The following MAPK10 variants were observed in gnomAD, a reference collection of about 807,000 sequenced individuals.
MAPK10 encodes mitogen-activated protein kinase 10.
MAPK10 carries 25 observed loss-of-function variants against 59.3 expected under a neutral mutation model. The observed-to-expected ratio is 0.42, with a 90% CI of 0.31 to 0.59. The LOEUF (loss-of-function observed/expected upper bound fraction) is 0.59. Among genes scored for constraint, MAPK10 ranks in the 20% least tolerant of loss-of-function variants. MAPK10 has a pLI of 0.15. For missense variants in MAPK10, 351 were observed against 568.9 expected, an observed-to-expected ratio of 0.62 and a Z score of 3.90; for synonymous variants, 190 against 200.5, an observed-to-expected ratio of 0.95 and a Z score of 0.44.
intron 1 of MAPK10, among the ~76,000 whole-genome samples, chr4:86,561,672 T>C (rs1290657560): frequency 6.6e-6 from 1 of 152,254 alleles, no homozygotes; most frequent in Non-Finnish European, 1.5e-5. Context: ...TTGTTAAGAC[T>C]TAATTACTTA....
intron 2 of MAPK10, among the ~76,000 whole-genome samples, chr4:86,198,202 T>C (rs940654238): frequency 6.6e-6 from 1 of 152,128 alleles, no homozygotes; most frequent in Non-Finnish European, 1.5e-5. Flanking sequence ...ATAGAGGTAG[T>C]GTCTCCTTCT....
intron 2 of MAPK10, among the ~76,000 whole-genome samples, chr4:86,310,145 T>C (rs2095641589): frequency 6.6e-6 from 1 of 152,184 alleles, no homozygotes; most frequent in Non-Finnish European, 1.5e-5. Flanking sequence ...TTCCTGCCCT[T>C]GCTTCAGGAT....
At chr4:86,350,999 A>G (rs1731038911) in intron 2 of MAPK10, among the ~76,000 whole-genome samples, 1 of 152,150 alleles carries the variant, frequency 6.6e-6, no homozygotes, top group Non-Finnish European at 1.5e-5. Flanking sequence ...CATCGTATCT[A>G]TTCTTAACCT....
At chr4:86,372,376 G>A (rs546863485) in intron 1 of MAPK10, among the ~76,000 whole-genome samples, 128 of 151,836 alleles carry the variant, frequency 8.4e-4, no homozygotes, top group Non-Finnish European at 1.3e-3. Context: ...AATTAGCTGG[G>A]CGTGGTGGTG....
intron 4 of MAPK10, among the ~76,000 whole-genome samples, chr4:86,158,608 A>C (rs1200548522): frequency 2.0e-5 from 3 of 151,924 alleles, no homozygotes; most frequent in African/African-American, 7.2e-5. Context: ...TATACTAATA[A>C]GTTTATATTA....
At chr4:86,187,807 T>C (rs1006071306) in intron 3 of MAPK10, among the ~76,000 whole-genome samples, 1 of 152,198 alleles carries the variant, frequency 6.6e-6, no homozygotes, top group Non-Finnish European at 1.5e-5. Context: ...CTGCGATACA[T>C]GTGCAGAACA....
chr4:86,098,439 C>A, intron 9 of MAPK10, 85 bp downstream of exon 9: 2 of 1,585,252 alleles, frequency 1.3e-6, no homozygotes, highest in South Asian at 2.3e-5. Flanking sequence ...TTGCTTCTAT[C>A]TTTACTCTCC....
intron 2 of MAPK10, among the ~76,000 whole-genome samples, chr4:86,273,150 T>C (rs1289252592): frequency 6.6e-6 from 1 of 152,006 alleles, no homozygotes. Context: ...TAATATAGGG[T>C]ACATACACAT....
intron 2 of MAPK10, among the ~76,000 whole-genome samples, chr4:86,266,280 C>T (rs2094232098): frequency 6.6e-6 from 1 of 152,070 alleles, no homozygotes; most frequent in Non-Finnish European, 1.5e-5. Flanking sequence ...TTTCTGGAGT[C>T]AAAAGGCCTT....
At chr4:86,221,736 C>T (rs1005780060) in intron 2 of MAPK10, among the ~76,000 whole-genome samples, 18 of 152,140 alleles carry the variant, frequency 1.2e-4, no homozygotes, top group Non-Finnish European at 2.5e-4. Context: ...CTCTTGGGTT[C>T]AAGGGACCCA....
At chr4:86,153,462 A>G (rs1393897154) in intron 4 of MAPK10, among the ~76,000 whole-genome samples, 3 of 152,218 alleles carry the variant, frequency 2.0e-5, no homozygotes, top group African/African-American at 7.2e-5. Context: ...AAAACATTCC[A>G]AAGCCAAAAA....
intron 2 of MAPK10, among the ~76,000 whole-genome samples, chr4:86,236,293 G>C (rs1402956102): frequency 1.3e-5 from 2 of 152,112 alleles, no homozygotes; most frequent in African/African-American, 4.8e-5. Flanking sequence ...AACATATTCA[G>C]AGGTTCCAGG....
At chr4:86,491,172 T>C (rs375652579) in intron 1 of MAPK10, among the ~76,000 whole-genome samples, 1 of 152,156 alleles carries the variant, frequency 6.6e-6, no homozygotes, top group African/African-American at 2.4e-5. Context: ...AGTGCTGTGA[T>C]GGATGAAAGC....
intron 2 of MAPK10, among the ~76,000 whole-genome samples, chr4:86,271,856 T>C (rs1230472318): frequency 1.3e-5 from 2 of 152,052 alleles, no homozygotes; most frequent in Non-Finnish European, 2.9e-5. Context: ...ATGATTCAAC[T>C]ACCTCCCACT....
At chr4:86,413,541 T>G (rs1313317206) in intron 1 of MAPK10, among the ~76,000 whole-genome samples, 1 of 152,220 alleles carries the variant, frequency 6.6e-6, no homozygotes, top group Non-Finnish European at 1.5e-5. Context: ...CAGTAGTCCT[T>G]GCTGAGCTGT....
chr4:86,176,256 T>A (rs2075663018), intron 3 of MAPK10, among the ~76,000 whole-genome samples: 1 of 152,098 alleles, frequency 6.6e-6, no homozygotes, highest in Non-Finnish European at 1.5e-5. Flanking sequence ...TAGAAAAGAA[T>A]GGAATCCAAA....
In MAPK10 at chr4:86,170,322, C is replaced by T. The variant is rs1267286009; in HGVS notation, c.67-10855G>A. 1.7e-4 allele frequency among the ~76,000 whole-genome samples: 26 copies of T among 152,178 alleles called. No individual in the cohort carries two copies. In the East Asian group the frequency reaches 3.1e-3, roughly 18 times the overall value. On this transcript the variant is annotated intron_variant, in intron 3 of 13. Coordinates refer to ENST00000641462, the MANE Select transcript of MAPK10 (RefSeq NM_138982.4). ...TGCTGTATTCAGGAAACCCATCTCACGTGCAGAAACACACATAGGCTCAAA... is the reference window on the plus strand; with the variant it reads ...TGCTGTATTCAGGAAACCCATCTCATGTGCAGAAACACACATAGGCTCAAA...
intron 3 of MAPK10, among the ~76,000 whole-genome samples, chr4:86,174,558 C>G (rs2075232191): frequency 6.6e-6 from 1 of 152,086 alleles, no homozygotes; most frequent in Non-Finnish European, 1.5e-5. Flanking sequence ...ACATATTTAC[C>G]TATGTAACAA....
Position 86,097,774 on chromosome 4 carries a change from T to C in MAPK10, c.802+750A>G, listed in dbSNP as rs187485168. Among the ~76,000 whole-genome samples, 19 of 152,244 alleles carry C rather than the reference T, an allele frequency of 1.2e-4. No homozygotes were observed. In the East Asian group the frequency reaches 3.3e-3, roughly 26 times the overall value. ...TTGGCCATTTAAGAAATGTATCAGT[T>C]CATTTGATAATTCCAAATCATAGAT... On this transcript the variant is annotated intron_variant, in intron 9 of 13. Transcript: ENST00000641462.
Sources: gnomAD v4.1 joint callset for allele counts (sites outside exome capture counted in the v4.1 genomes callset) on GRCh38, gnomAD v4.1.1 for gene constraint, MANE v1.5 for transcripts, NCBI Gene and HGNC (gene_info 2026-07-23, HGNC 2026-07-21) for gene names.